Variants in OGFR observed in about 807,000 individuals in gnomAD.
The protein encoded by OGFR is protein 7-60.
Under a neutral mutation model 33.6 loss-of-function variants are expected in OGFR, and 18 were observed. The ratio of observed to expected loss-of-function variants is 0.54; its 90% CI spans 0.37 to 0.80. The LOEUF is 0.80. Ranked by LOEUF, OGFR falls within the 30% of genes least tolerant of loss-of-function variation. The pLI, the probability that OGFR is intolerant of heterozygous loss-of-function variation, is 0.00. For missense variants in OGFR, 877 were observed against 955.8 expected (o/e 0.92, Z 1.09); for synonymous variants, 370 against 400.7 (o/e 0.92, Z 0.91).
In OGFR at chr20:62,804,928, G is replaced by A. The variant is rs1990547304; in HGVS notation, c.69G>A (p.Glu23=). 2 of 1,495,462 alleles carry A rather than the reference G, an allele frequency of 1.3e-6. No homozygotes were observed. Among genetic ancestry groups the A allele is most frequent in the Non-Finnish European group, 8.9e-7 (1 of 1,122,602 alleles). The allele number at this position is 1,495,462 out of a possible 1,614,324, so 92.6% of individuals were successfully genotyped here. ...AGGATGCGGAGGACGCGGAGGACGA[G>A]GACTGCGAGGACGGCGAGGCCGCCG... ...DEEDAEDAED[E]DCEDGEAAGA... Residue 23 remains glutamate, a synonymous_variant, in exon 1 of 7, where the codon GAG becomes GAA. Coordinates refer to ENST00000290291, the MANE Select transcript of OGFR (RefSeq NM_007346.4).
chr20:62,810,498 G>A lies in OGFR; in HGVS notation c.399-1G>A, dbSNP rs767544295. 7 of 1,613,182 alleles carry A rather than the reference G, an allele frequency of 4.3e-6. No individual in the cohort carries two copies. In the African/African-American group the frequency reaches 9.3e-5, roughly 22 times the overall value. On this transcript the variant is annotated splice_acceptor_variant, in intron 4 of 6. Coordinates refer to ENST00000290291, the MANE Select transcript of OGFR (RefSeq NM_007346.4). LOFTEE classifies it high-confidence loss of function. ...TTGCCTGAGCATCTCTTCTCCTGCA[G>A]GCTGTTTCCTCTGCGAGAACCAGGA...
At position 62,805,124 on chromosome 20, in the gene OGFR, CT is replaced by C. The variant is rs918452544; in HGVS notation, c.171+95del. The C allele has an allele frequency of 7.8e-4, 717 of 916,496 alleles. 7 individuals are homozygous for C. In the African/African-American group the frequency reaches 0.011, roughly 14 times the overall value. 56.8% of individuals were successfully genotyped at this position (916,496 alleles called of 1,614,324 possible). A position where few individuals can be genotyped will look rare whatever the true frequency, so the allele number is the denominator to read the frequency against. On this transcript the variant is annotated intron_variant, in intron 1 of 6. Transcript: ENST00000290291. The stretch of plus-strand genomic sequence containing the variant: ...ACCCCCCCATCCCGGGCGGAGACAC[CT>C]GGAGCCTCCTGGAGCTCCCGCAGCC...
At position 62,812,471 on chromosome 20, in the gene OGFR, T is replaced by A; in HGVS notation, c.856T>A (p.Trp286Arg). The change falls in exon 7 of 7, where the codon TGG becomes AGG. Residue 286 changes from tryptophan (W) to arginine (R), a missense_variant. By Grantham distance (101) the Trp-to-Arg change is moderately radical. Coordinates refer to ENST00000290291, the MANE Select transcript of OGFR (RefSeq NM_007346.4). Reference sequence around the variant, plus strand: ...CTTCCGGCCCCGCTGCAAGTTCGTCTGGGGGCCCCAAGACAAGCTGCGGAG... The same window carrying A: ...CTTCCGGCCCCGCTGCAAGTTCGTCAGGGGGCCCCAAGACAAGCTGCGGAG... ...EHFRPRCKFVWGPQDKLRRFK... is the reference protein window; with the variant it reads ...EHFRPRCKFVRGPQDKLRRFK... The A allele has an allele frequency of 6.3e-7, 1 of 1,579,216 alleles. No individual in the cohort carries two copies. Among genetic ancestry groups the A allele is most frequent in the East Asian group, 2.3e-5 (1 of 43,062 alleles).
At position 62,813,018 on chromosome 20, in the gene OGFR, G is replaced by C. The variant is rs1306694333; in HGVS notation, c.1403G>C (p.Ser468Thr). 3 of 1,606,420 alleles carry C rather than the reference G, an allele frequency of 1.9e-6. No homozygotes were observed. The highest frequency in any genetic ancestry group is 1.7e-5 in the Admixed American group (1 of 58,850). The change falls in exon 7 of 7, where the codon AGT becomes ACT. Residue 468 changes from serine (S) to threonine (T), a missense_variant. Around this residue, in one of 3 missense-constraint regions of OGFR, gnomAD observed 760 missense variants for 736.0 expected, o/e 1.03. Transcript: ENST00000290291. ...AAGGTGGATGAGGGTGCTGGGGACA[G>C]TGCTGCGGTGGCCAGTGGTGGTGCC... ...RRKVDEGAGD[S>T]AAVASGGAQT... is the part of the protein sequence containing the mutation.
At chr20:62,805,158 C>A (rs1201323650) in intron 1 of OGFR, 128 bp downstream of exon 1, 3 of 459,598 alleles carry the variant, frequency 6.5e-6, no homozygotes, top group East Asian at 4.8e-5. Context: ...GCCCCGGGGA[C>A]CCCCCCCCAG....
rs1052190240 is a variant in OGFR, at chr20:62,805,023, C to G, written c.164C>G (p.Ser55Trp). 6.4e-6 allele frequency: 9 copies of G among 1,414,474 alleles called. No homozygotes were observed. Among genetic ancestry groups the G allele is most frequent in the African/African-American group, 1.5e-5 (1 of 66,252 alleles). The allele number at this position is 1,414,474 out of a possible 1,614,324, so 87.6% of individuals were successfully genotyped here. A position where few individuals can be genotyped will look rare whatever the true frequency, so the allele number is the denominator to read the frequency against. ...GAGCCGCGGGCGGCGCGGCCCAGCT[C>G]GTTCCAGGTGCGGCCCCGCGGCGCG... Reference protein sequence around the residue: ...SEEPRAARPSSFQSRMTGSRN... With the variant: ...SEEPRAARPSWFQSRMTGSRN... Residue 55 changes from serine to tryptophan, a missense_variant, in exon 1 of 7, where the codon TCG becomes TGG. Around this residue, in one of 3 missense-constraint regions of OGFR, gnomAD observed 760 missense variants for 736.0 expected, o/e 1.03. Coordinates refer to ENST00000290291, the MANE Select transcript of OGFR (RefSeq NM_007346.4).
chr20:62,813,168 C>T lies in OGFR; in HGVS notation c.1553C>T (p.Pro518Leu), dbSNP rs751020130. 2.6e-6 allele frequency: 4 copies of T among 1,526,982 alleles called. No homozygotes were observed. Among genetic ancestry groups the T allele is most frequent in the East Asian group, 2.3e-5 (1 of 43,466 alleles). 94.6% of individuals were successfully genotyped at this position (1,526,982 alleles called of 1,614,324 possible). A position where few individuals can be genotyped will look rare whatever the true frequency, so the allele number is the denominator to read the frequency against. ...CCCAAAGAAGGTACCCCTGGGAGCCCATCGGAGACCCCAGGCCCCAGCCCA... is the reference window on the plus strand; with the variant it reads ...CCCAAAGAAGGTACCCCTGGGAGCCTATCGGAGACCCCAGGCCCCAGCCCA... ...TGPKEGTPGS[P>L]SETPGPSPAG... Residue 518 changes from proline (P) to leucine (L), a missense_variant, in exon 7 of 7, where the codon CCA becomes CTA. This residue lies in a region of OGFR where 760 missense variants were observed against 736.0 expected (regional missense o/e 1.03). Coordinates refer to ENST00000290291, the MANE Select transcript of OGFR (RefSeq NM_007346.4).
Position 62,813,612 on chromosome 20 carries a change from C to A in OGFR, c.1997C>A (p.Ala666Glu), listed in dbSNP as rs772133358. 6.2e-7 allele frequency: 1 copy of A among 1,612,832 alleles called. No homozygotes were observed. Among genetic ancestry groups the A allele is most frequent in the Non-Finnish European group, 8.5e-7 (1 of 1,179,936 alleles). Residue 666 changes from alanine to glutamate, a missense_variant, in exon 7 of 7, where the codon GCA becomes GAA. Ala to Glu is a moderately radical substitution (Grantham distance 107). Around this residue, in one of 3 missense-constraint regions of OGFR, gnomAD observed 45 missense variants for 38.0 expected, o/e 1.19. Coordinates refer to ENST00000290291, the MANE Select transcript of OGFR (RefSeq NM_007346.4). Reference sequence around the variant, plus strand: ...GGGGAGGCAGCAGAGTTGCAGGACGCAGAGGTGGAGTCTTCTGCCAAGTCT... The same window carrying A: ...GGGGAGGCAGCAGAGTTGCAGGACGAAGAGGTGGAGTCTTCTGCCAAGTCT... ...KAGEAAELQD[A>E]EVESSAKSGK... is the part of the protein sequence containing the mutation.
At chr20:62,810,657 G>C in intron 5 of OGFR, 92 bp downstream of exon 5, 1 of 1,201,912 alleles carries the variant, frequency 8.3e-7, no homozygotes. Context: ...CTGGCAGTAG[G>C]CATTTGGTGC....
chr20:62,809,807 G>A (rs574283293), intron 4 of OGFR, 144 bp downstream of exon 4: 8 of 701,246 alleles, frequency 1.1e-5, no homozygotes, highest in Admixed American at 4.1e-5. Flanking sequence ...ACATTACACG[G>A]ATGGACATTA....
At chr20:62,805,372 C>T (rs1990564316) in intron 1 of OGFR, 1 of 159,284 alleles carries the variant, frequency 6.3e-6, no homozygotes, top group Non-Finnish European at 1.4e-5. Flanking sequence ...CTCCTGGCGG[C>T]CCCTGCGCAG....
At chr20:62,807,692 T>C (rs2147182903) in intron 2 of OGFR, 87 bp downstream of exon 2, 1 of 1,399,426 alleles carries the variant, frequency 7.1e-7, no homozygotes, top group Non-Finnish European at 9.9e-7. Flanking sequence ...ACTGGAAGGC[T>C]GGCCTGGCTT....
At position 62,809,680 on chromosome 20, in the gene OGFR, G is replaced by C. The variant is rs761224919; in HGVS notation, c.398+17G>C. On this transcript the variant is annotated intron_variant, in intron 4 of 6. Coordinates refer to ENST00000290291, the MANE Select transcript of OGFR (RefSeq NM_007346.4). ...CATCCAGTGGTGAGTTGGGGAGGAT[G>C]GGGGGATGGGGGGTTGGCGAGGCCA... is the stretch of plus-strand genomic sequence containing the variant. 3.2e-6 allele frequency: 5 copies of C among 1,557,376 alleles called. No individual in the cohort carries two copies. In the African/African-American group the frequency reaches 6.7e-5, roughly 21 times the overall value.
chr20:62,809,284 G>C (rs910879493), intron 3 of OGFR, among the ~76,000 whole-genome samples: 1 of 152,178 alleles, frequency 6.6e-6, no homozygotes, highest in Non-Finnish European at 1.5e-5. Context: ...GTACAGACAG[G>C]TCCTGGTCGA....
Position 62,808,332 on chromosome 20 carries a change from G to C in OGFR, c.319+7G>C, listed in dbSNP as rs1337928473. On this transcript the variant is annotated splice_region_variant and intron_variant, in intron 3 of 6. Coordinates refer to ENST00000290291, the MANE Select transcript of OGFR (RefSeq NM_007346.4). ...ATCCGCTTCCTGCCCAACGGTAGGT[G>C]CCTCACAACCACTGGCAGCCGGCGC... The C allele has an allele frequency of 1.9e-6, 3 of 1,608,974 alleles. No individual in the cohort carries two copies. The highest frequency in any genetic ancestry group is 2.6e-6 in the Non-Finnish European group (3 of 1,176,226).
rs1019877827 is a variant in OGFR at position 62,808,855 on chromosome 20, G to A, written c.319+530G>A. On this transcript the variant is annotated intron_variant, in intron 3 of 6. Coordinates refer to ENST00000290291, the MANE Select transcript of OGFR (RefSeq NM_007346.4). ...CCAGGTGTGGTAGCGTGCGCCTGTAGTCCCAGCTACTCAGGAGGCTGAGGC... is the reference window on the plus strand; with the variant it reads ...CCAGGTGTGGTAGCGTGCGCCTGTAATCCCAGCTACTCAGGAGGCTGAGGC... 4.0e-5 allele frequency among the ~76,000 whole-genome samples: 6 copies of A among 151,720 alleles called. No individual in the cohort carries two copies. In the East Asian group the frequency reaches 1.2e-3, roughly 30 times the overall value.
At position 62,811,626 on chromosome 20, in the gene OGFR, T is replaced by TGGCCGCC; in HGVS notation, c.614+16_614+17insGGCCGCC. On this transcript the variant is annotated intron_variant, in intron 6 of 6. Coordinates refer to ENST00000290291, the MANE Select transcript of OGFR (RefSeq NM_007346.4). ...ACCTGAACTGGTGAGGCCCGGCTGC[T>TGGCCGCC]CCCGCCCACCCCCACCCCGGCGCAG... is the stretch of plus-strand genomic sequence containing the variant. The TGGCCGCC allele has an allele frequency of 6.7e-7, 1 of 1,502,498 alleles. No individual in the cohort carries two copies. Among genetic ancestry groups the TGGCCGCC allele is most frequent in the Non-Finnish European group, 9.0e-7 (1 of 1,110,092 alleles). 93.1% of individuals were successfully genotyped at this position (1,502,498 alleles called of 1,614,324 possible). A position where few individuals can be genotyped will look rare whatever the true frequency, so the allele number is the denominator to read the frequency against.
intron 5 of OGFR, among the ~76,000 whole-genome samples, 177 bp downstream of exon 5, chr20:62,810,742 C>T (rs1238713127): frequency 6.6e-6 from 1 of 152,240 alleles, no homozygotes; most frequent in East Asian, 1.9e-4. Flanking sequence ...CCCAGTGGTC[C>T]TCACCCCACC....
Position 62,804,900 on chromosome 20 carries a change from A to AGGAGGATGCGGAGGACGC in OGFR, c.48_65dup (p.Ala17_Asp22dup), listed in dbSNP as rs771161586. On this transcript the variant is annotated inframe_insertion, in exon 1 of 7. Coordinates refer to ENST00000290291, the MANE Select transcript of OGFR (RefSeq NM_007346.4). ...TGCGACTCCACCTGGGAGGAGGACGAGGAGGATGCGGAGGACGCGGAGGAC... is the reference window on the plus strand; with the variant it reads ...TGCGACTCCACCTGGGAGGAGGACGAGGAGGATGCGGAGGACGCGGAGGATGCGGAGGACGCGGAGGAC... The AGGAGGATGCGGAGGACGC allele has an allele frequency of 6.7e-7, 1 of 1,494,890 alleles. No individual in the cohort carries two copies. The highest frequency in any genetic ancestry group is 8.9e-7 in the Non-Finnish European group (1 of 1,122,636). 92.6% of individuals were successfully genotyped at this position (1,494,890 alleles called of 1,614,324 possible).
Sources: allele counts gnomAD v4.1 joint callset (sites outside exome capture counted in the v4.1 genomes callset), GRCh38; gene constraint gnomAD v4.1.1; regional missense constraint gnomAD v4.1.1; transcripts MANE v1.5; gene names NCBI Gene and HGNC (gene_info 2026-07-23, HGNC 2026-07-21).